The following EEF1E1 variants were observed in gnomAD, a reference collection of about 807,000 sequenced individuals.
EEF1E1 encodes eukaryotic translation elongation factor 1 epsilon 1, also known as eukaryotic translation elongation factor 1 epsilon-1.
A neutral mutation model predicts 19.9 loss-of-function variants in EEF1E1; 19 were observed. That is an observed-to-expected ratio of 0.95 (90% CI 0.66 to 1.40). The LOEUF is 1.40. Among genes scored for constraint, EEF1E1 ranks in the 40% most tolerant of loss-of-function variants. The pLI is 0.00. For synonymous variants in EEF1E1, 81 were observed against 80.0 expected (o/e 1.01, Z -0.07); for missense variants, 198 against 202.2 (o/e 0.98, Z 0.13).
intron 3 of EEF1E1, among the ~76,000 whole-genome samples, chr6:8,088,201 C>T (rs1757917087): frequency 6.6e-6 from 1 of 151,838 alleles, no homozygotes; most frequent in Non-Finnish European, 1.5e-5. Context: ...TGTCATCGTT[C>T]ATGAACAAAT....
intron 3 of EEF1E1, among the ~76,000 whole-genome samples, chr6:8,085,713 C>G (rs1193727814): frequency 1.3e-5 from 2 of 152,132 alleles, no homozygotes; most frequent in Non-Finnish European, 2.9e-5. Context: ...TATTTGTAAT[C>G]AAACTTATCA....
chr6:8,098,702 C>T (rs76295625), intron 1 of EEF1E1, among the ~76,000 whole-genome samples: 9,223 of 152,202 alleles, frequency 0.061, 382 homozygotes, highest in Non-Finnish European at 0.088. Context: ...TGGAACCCTC[C>T]GAAGGGTGCC....
intron 3 of EEF1E1, among the ~76,000 whole-genome samples, chr6:8,084,852 G>A (rs936544637): frequency 1.3e-5 from 2 of 152,214 alleles, no homozygotes; most frequent in Non-Finnish European, 2.9e-5. Context: ...TTCAAAGACT[G>A]TGTTTAGGCT....
downstream of EEF1E1, among the ~76,000 whole-genome samples, chr6:8,074,961 T>C (rs372588456): frequency 1.8e-3 from 275 of 152,318 alleles, 3 homozygotes; most frequent in African/African-American, 6.4e-3. Flanking sequence ...CTCTCTGGCC[T>C]CCCGCTCTTT....
At chr6:8,074,314 A>C (rs541944168) in intron 3 of EEF1E1, among the ~76,000 whole-genome samples, 1 of 152,320 alleles carries the variant, frequency 6.6e-6, no homozygotes, top group East Asian at 1.9e-4. Context: ...CTGATAACAT[A>C]TACGTGTAAT....
At chr6:8,088,546 C>A (rs1057128457) in intron 3 of EEF1E1, among the ~76,000 whole-genome samples, 1 of 152,188 alleles carries the variant, frequency 6.6e-6, no homozygotes, top group South Asian at 2.1e-4. Context: ...GCCCTCTCTG[C>A]CTGCTGCCAT....
chr6:8,079,171 T>C (rs769256633), downstream of EEF1E1, among the ~76,000 whole-genome samples: 1 of 152,170 alleles, frequency 6.6e-6, no homozygotes, highest in Non-Finnish European at 1.5e-5. Flanking sequence ...AATTCAAAAT[T>C]AGTGGGACAG....
intron 2 of EEF1E1, among the ~76,000 whole-genome samples, chr6:8,096,675 A>G (rs937715891): frequency 6.6e-6 from 1 of 152,192 alleles, no homozygotes; most frequent in African/African-American, 2.4e-5. Context: ...TTTTTATATA[A>G]ATAAATTAAC....
chr6:8,097,507 G>A, intron 1 of EEF1E1, 40 bp from the exon 2 acceptor site: 2 of 1,537,376 alleles, frequency 1.3e-6, no homozygotes, highest in Non-Finnish European at 1.8e-6. Context: ...TAAAAAACAA[G>A]GACCACATCA....
intron 3 of EEF1E1, among the ~76,000 whole-genome samples, chr6:8,085,944 C>T (rs991668389): frequency 6.6e-6 from 1 of 152,108 alleles, no homozygotes; most frequent in African/African-American, 2.4e-5. Context: ...TAATATGCCC[C>T]TGAAAATAGT....
intron 3 of EEF1E1, 135 bp downstream of exon 3, chr6:8,090,051 C>T (rs149097920): frequency 2.4e-4 from 135 of 565,694 alleles, no homozygotes; most frequent in Non-Finnish European, 3.5e-4. Flanking sequence ...TTACAAAAGG[C>T]ACCTTGTATA....
At chr6:8,086,950 GAAGTGT>G (rs1757873712) in intron 3 of EEF1E1, among the ~76,000 whole-genome samples, 1 of 152,136 alleles carries the variant, frequency 6.6e-6, no homozygotes, top group South Asian at 2.1e-4. Flanking sequence ...AGCTAGACCC[GAAGTGT>G]ACATGAGGTA....
downstream of EEF1E1, among the ~76,000 whole-genome samples, chr6:8,077,165 G>A (rs149214145): frequency 1.2e-4 from 18 of 151,480 alleles, no homozygotes; most frequent in East Asian, 1.4e-3. Flanking sequence ...GGATTGTCTC[G>A]ATCTCCTGAC....
rs189175505 is a variant in EEF1E1 at position 8,100,927 on chromosome 6, C to T, written c.87+1508G>A. 8.3e-4 allele frequency among the ~76,000 whole-genome samples: 122 copies of T among 147,238 alleles called. 2 individuals are homozygous for T. The highest frequency in any genetic ancestry group is 2.9e-3 in the African/African-American group (114 of 39,546). On this transcript the variant is annotated intron_variant, in intron 1 of 3. Coordinates refer to ENST00000379715, the MANE Select transcript of EEF1E1 (RefSeq NM_004280.5). ...AATACTCATATCTTGGCAATGGTCCCTAAAAAATATAAACTAGGCCAGGCA... is the reference window on the plus strand; with the variant it reads ...AATACTCATATCTTGGCAATGGTCCTTAAAAAATATAAACTAGGCCAGGCA...
chr6:8,077,242 A>G (rs145703190), downstream of EEF1E1, among the ~76,000 whole-genome samples: 47 of 152,232 alleles, frequency 3.1e-4, no homozygotes, highest in African/African-American at 9.9e-4. Context: ...TGCCCCTGGC[A>G]AGATTTAGCA....
intron 2 of EEF1E1, among the ~76,000 whole-genome samples, chr6:8,094,325 G>T (rs1419712743): frequency 6.6e-6 from 1 of 151,822 alleles, no homozygotes; most frequent in Non-Finnish European, 1.5e-5. Context: ...CGCCGGGTGC[G>T]GTGGCTCACT....
intron 3 of EEF1E1, among the ~76,000 whole-genome samples, chr6:8,083,983 C>T (rs182715747): frequency 6.6e-6 from 1 of 152,100 alleles, no homozygotes; most frequent in Non-Finnish European, 1.5e-5. Flanking sequence ...GTCTGTGAGG[C>T]CTGTTCCTTG....
intron 3 of EEF1E1, among the ~76,000 whole-genome samples, chr6:8,087,203 G>T (rs1757882602): frequency 6.6e-6 from 1 of 152,172 alleles, no homozygotes; most frequent in Non-Finnish European, 1.5e-5. Flanking sequence ...ACGGGAAGGA[G>T]GATAGCAAGG....
At chr6:8,080,193 T>G (rs1232040895) in intron 3 of EEF1E1, among the ~76,000 whole-genome samples, 163 bp from the exon 4 acceptor site, 1 of 152,216 alleles carries the variant, frequency 6.6e-6, no homozygotes, top group East Asian at 1.9e-4. Flanking sequence ...TTCAGCCCAG[T>G]GAACACTGAC....
Sources: gnomAD v4.1 joint callset for allele counts (sites outside exome capture counted in the v4.1 genomes callset) on GRCh38, gnomAD v4.1.1 for gene constraint, MANE v1.5 for transcripts, NCBI Gene and HGNC (gene_info 2026-07-23, HGNC 2026-07-21) for gene names.